Variants in SYNE1 observed in about 807,000 individuals in gnomAD.
SYNE1 encodes spectrin repeat containing nuclear envelope protein 1.
In SYNE1, 616 loss-of-function variants were observed where a neutral mutation model predicts 1,111.0. The ratio of observed to expected loss-of-function variants is 0.55; its 90% CI spans 0.52 to 0.59. The LOEUF (loss-of-function observed/expected upper bound fraction) is 0.59. SYNE1 is among the 20% of genes least tolerant of loss of function. SYNE1 has a pLI of 0.00. For synonymous variants in SYNE1, 3,855 were observed against 3,825.8 expected (o/e 1.01, Z -0.28); for missense variants, 10,006 against 10,417.0 (o/e 0.96, Z 1.72).
chr6:152,491,257 C>T (rs2098968756), intron 11 of SYNE1, among the ~76,000 whole-genome samples: 1 of 151,886 alleles, frequency 6.6e-6, no homozygotes, highest in Admixed American at 6.6e-5. Flanking sequence ...CACCCACATT[C>T]CACTAGTGTC....
chr6:152,396,961 C>G lies in SYNE1; in HGVS notation c.7370G>C (p.Ser2457Thr). The G allele has an allele frequency of 6.2e-7, 1 of 1,614,170 alleles. No individual in the cohort carries two copies. Among genetic ancestry groups the G allele is most frequent in the South Asian group, 1.1e-5 (1 of 91,078 alleles). Residue 2457 changes from serine to threonine, a missense_variant, in exon 50 of 146, where the codon AGT (serine) becomes ACT (threonine). By Grantham distance (58) the Ser-to-Thr change is moderately conservative. Around this residue, in one of 7 missense-constraint regions of SYNE1, gnomAD observed 4,955 missense variants for 5,017.2 expected, o/e 0.99. Transcript: ENST00000367255. Reference protein sequence around the residue: ...HDLQNILDSVSDGQSKLDAVT... With the variant: ...HDLQNILDSVTDGQSKLDAVT... ...TGCATCAAGTTTGCTCTGCCCATCACTGACTGAGTCCAAAATGTTCTGTTT... is the reference window on the plus strand; with the variant it reads ...TGCATCAAGTTTGCTCTGCCCATCAGTGACTGAGTCCAAAATGTTCTGTTT...
At position 152,318,405 on chromosome 6, in the gene SYNE1, T is replaced by G; in HGVS notation, c.16390-142A>C. 3.1e-6 allele frequency: 3 copies of G among 968,076 alleles called. No individual in the cohort carries two copies. The South Asian group carries it at 4.4e-5, about 14-fold the overall frequency. The allele number at this position is 968,076 out of a possible 1,614,324, so 60.0% of individuals were successfully genotyped here. A position where few individuals can be genotyped will look rare whatever the true frequency, so the allele number is the denominator to read the frequency against. On this transcript the variant is annotated intron_variant, in intron 85 of 145. Transcript: ENST00000367255. ...AATTCTACTATGATCAGGTCATTTTTGTTTCTTCGGTTGGAAAGGCAGGGC... is the reference window on the plus strand; with the variant it reads ...AATTCTACTATGATCAGGTCATTTTGGTTTCTTCGGTTGGAAAGGCAGGGC...
At chr6:152,155,234 T>C (rs1041206828) in intron 132 of SYNE1, 192 bp from the exon 133 acceptor site, 25 of 596,022 alleles carry the variant, frequency 4.2e-5, no homozygotes, top group African/African-American at 5.6e-5. Context: ...AAAACGGCTG[T>C]TTTATTTTTT....
In SYNE1 at chr6:152,539,982, C is replaced by T. The variant is rs1359862599; in HGVS notation, c.107G>A (p.Trp36Ter). 10 of 1,613,754 alleles carry T rather than the reference C, an allele frequency of 6.2e-6. No individual in the cohort carries two copies. The Admixed American group carries it at 1.5e-4, about 24-fold the overall frequency. Residue 36 changes from tryptophan to a stop codon, truncating the protein, a stop_gained, in exon 4 of 146, where the codon TGG (tryptophan) becomes TAG (stop). Coordinates refer to ENST00000367255, the MANE Select transcript of SYNE1 (RefSeq NM_182961.4). LOFTEE classifies it high-confidence loss of function. ...EIVQKRTFTKWINSHLAKRKP... is the reference protein window; with the variant it reads ...EIVQKRTFTK ...TACCTTGGCCAGATGAGAGTTGATC[C>T]ATTTTGTGAAAGTTCGTTTTTGTAC...
intron 55 of SYNE1, among the ~76,000 whole-genome samples, chr6:152,383,525 C>T (rs1443697458): frequency 6.6e-6 from 1 of 152,150 alleles, no homozygotes; most frequent in East Asian, 1.9e-4. Flanking sequence ...ATGGCGACCA[C>T]CTTCTCTACT....
rs531806852 is a variant in SYNE1 at position 152,246,558 on chromosome 6, C to G, written c.19573-1902G>C. On this transcript the variant is annotated intron_variant, in intron 105 of 145. Coordinates refer to ENST00000367255, the MANE Select transcript of SYNE1 (RefSeq NM_182961.4). ...GGAGCAAAAAGACAAAGAAAGGTCT[C>G]TTGGTAAGACAGTTCAAGGGTTGAA... 1.3e-4 allele frequency among the ~76,000 whole-genome samples: 20 copies of G among 152,222 alleles called. No individual in the cohort carries two copies. The East Asian group carries it at 3.9e-3, about 29-fold the overall frequency.
chr6:152,339,400 C>T (rs757613578), intron 74 of SYNE1, 34 bp from the exon 75 acceptor site: 2 of 1,611,080 alleles, frequency 1.2e-6, no homozygotes, highest in African/African-American at 1.3e-5. Flanking sequence ...GAAAGAGATG[C>T]ATCAGCTATT....
intron 3 of SYNE1, among the ~76,000 whole-genome samples, chr6:152,602,827 G>A (rs2099599357): frequency 1.3e-5 from 2 of 152,140 alleles, no homozygotes; most frequent in South Asian, 4.1e-4. Flanking sequence ...AGGAAAAGGA[G>A]GGAGAGACAT....
intron 127 of SYNE1, among the ~76,000 whole-genome samples, chr6:152,197,803 T>C (rs1206515423): frequency 6.6e-6 from 1 of 152,194 alleles, no homozygotes; most frequent in African/African-American, 2.4e-5. Flanking sequence ...GGCCTTAGGA[T>C]TTCCAGAATG....
rs550697327 is a variant in SYNE1, at chr6:152,122,485, C to T, written c.26345G>A (p.Arg8782Gln). 9.9e-6 allele frequency: 16 copies of T among 1,613,988 alleles called. No homozygotes were observed. Among genetic ancestry groups the T allele is most frequent in the African/African-American group, 8.0e-5 (6 of 74,908 alleles). ...GTATCTGAGCATGGGGTGGAATGAC[C>T]GGGCAAAGTTGTTGGAGAGGGCACA... ...YSCALSNNFA[R>Q]SFHPMLRYTN... Residue 8782 changes from arginine (R) to glutamine (Q), a missense_variant, in exon 146 of 146, where the codon CGG becomes CAG. By Grantham distance (43) the Arg-to-Gln change is conservative. Coordinates refer to ENST00000367255, the MANE Select transcript of SYNE1 (RefSeq NM_182961.4).
In SYNE1 at chr6:152,330,381, C is replaced by G. The variant is rs2096217705; in HGVS notation, c.14304G>C (p.Gln4768His). The G allele has an allele frequency of 6.2e-7, 1 of 1,614,012 alleles. No individual in the cohort carries two copies. The highest frequency in any genetic ancestry group is 1.3e-5 in the African/African-American group (1 of 74,928). The change falls in exon 78 of 146, where the codon CAG becomes CAC. Residue 4768 changes from glutamine (Q) to histidine (H), a missense_variant. Around this residue, in one of 7 missense-constraint regions of SYNE1, gnomAD observed 4,955 missense variants for 5,017.2 expected, o/e 0.99. Coordinates refer to ENST00000367255, the MANE Select transcript of SYNE1 (RefSeq NM_182961.4). The stretch of plus-strand genomic sequence containing the variant: ...TGGTGTCTTCTAATAAGCTAACCCT[C>G]TGTTCTGTTTGTCGCTTCAGCCTGT... Reference protein sequence around the residue: ...LYHRLKRQTEQRVSLLEDTTS... With the variant: ...LYHRLKRQTEHRVSLLEDTTS...
chr6:152,286,427 A>C (rs1245233873), intron 95 of SYNE1, among the ~76,000 whole-genome samples: 2 of 152,282 alleles, frequency 1.3e-5, no homozygotes, highest in African/African-American at 4.8e-5. Flanking sequence ...TGATTGTGAG[A>C]GTCGTTCATT....
intron 131 of SYNE1, among the ~76,000 whole-genome samples, chr6:152,158,949 T>C (rs1470126120): frequency 2.0e-5 from 3 of 152,236 alleles, no homozygotes; most frequent in Non-Finnish European, 4.4e-5. Context: ...TAGGCTCAGC[T>C]TCAACTTTTT....
At chr6:152,430,812 T>C in intron 34 of SYNE1, 103 bp from the exon 35 acceptor site, 1 of 1,132,382 alleles carries the variant, frequency 8.8e-7, no homozygotes, top group Admixed American at 1.8e-5. Flanking sequence ...TAACTGATAT[T>C]TGAAGACTTG....
chr6:152,449,482 T>C, intron 28 of SYNE1, 51 bp downstream of exon 28: 1 of 1,299,258 alleles, frequency 7.7e-7, no homozygotes. Flanking sequence ...TCTAACATTA[T>C]TCTTCCACTA....
rs370752715 is a variant in SYNE1 at position 152,628,375 on chromosome 6, T to G, written c.-44A>C. Reference sequence around the variant, plus strand: ...AAGCCAACACCAAGAGACTCTTCACTGGAGGCAGCACAGGGCTACACCACT... The same window carrying G: ...AAGCCAACACCAAGAGACTCTTCACGGGAGGCAGCACAGGGCTACACCACT... On this transcript the variant is annotated 5_prime_UTR_variant, in exon 3 of 146. Transcript: ENST00000367255. The G allele has an allele frequency of 6.3e-7, 1 of 1,593,094 alleles. No individual in the cohort carries two copies. The highest frequency in any genetic ancestry group is 1.1e-5 in the South Asian group (1 of 90,658).
rs545553777 is a variant in SYNE1, at chr6:152,187,887, G to A, written c.23301+1365C>T. 9.2e-5 allele frequency among the ~76,000 whole-genome samples: 14 copies of A among 152,038 alleles called. No homozygotes were observed. The East Asian group carries it at 1.4e-3, about 15-fold the overall frequency. ...ATTACAGGCACCCGCCACCATCCGCGGCTAATTTTTGTATTTTTAGTAGAG... is the reference window on the plus strand; with the variant it reads ...ATTACAGGCACCCGCCACCATCCGCAGCTAATTTTTGTATTTTTAGTAGAG... On this transcript the variant is annotated intron_variant, in intron 128 of 145. Transcript: ENST00000367255.
chr6:152,332,162 C>T (rs2096263908), intron 77 of SYNE1, among the ~76,000 whole-genome samples: 1 of 152,072 alleles, frequency 6.6e-6, no homozygotes, highest in African/African-American at 2.4e-5. Context: ...TTAGTAGAGA[C>T]AGGGTTTCAC....
Position 152,398,700 on chromosome 6 carries a change from C to T in SYNE1, c.7269G>A (p.Leu2423=). 6.2e-7 allele frequency: 1 copy of T among 1,613,668 alleles called. No individual in the cohort carries two copies. The highest frequency in any genetic ancestry group is 8.5e-7 in the Non-Finnish European group (1 of 1,179,810). ...ATTCTTTTGCTGCTGCCTTTGCTCCCAAAAACCATTCTTGGAATTCCTGCA... is the reference window on the plus strand; with the variant it reads ...ATTCTTTTGCTGCTGCCTTTGCTCCTAAAAACCATTCTTGGAATTCCTGCA... ...ESMQEFQEWF[L]GAKAAAKESS... Residue 2423 remains leucine, a synonymous_variant, in exon 49 of 146, where the codon TTG becomes TTA. Coordinates refer to ENST00000367255, the MANE Select transcript of SYNE1 (RefSeq NM_182961.4).
Sources: gnomAD v4.1 joint callset for allele counts (sites outside exome capture counted in the v4.1 genomes callset) on GRCh38, gnomAD v4.1.1 for gene constraint, gnomAD v4.1.1 regional missense constraint, MANE v1.5 for transcripts, NCBI Gene and HGNC (gene_info 2026-07-23, HGNC 2026-07-21) for gene names.